Variants in RPS20 observed in about 807,000 individuals in gnomAD.
The protein encoded by RPS20 is small ribosomal subunit protein uS10.
RPS20 carries 3 observed loss-of-function variants against 15.3 expected under a neutral mutation model. The observed-to-expected ratio is 0.20, with a 90% CI of 0.09 to 0.51. The LOEUF (loss-of-function observed/expected upper bound fraction) is 0.51. Among genes scored for constraint, RPS20 ranks in the 20% least tolerant of loss-of-function variants. The probability of loss-of-function intolerance (pLI) is 0.96; values close to 1 mark genes in which losing one functional copy is unlikely to be tolerated. For synonymous variants in RPS20, 62 were observed against 47.8 expected (o/e 1.30, Z -1.23); for missense variants, 67 against 145.9 (o/e 0.46, Z 2.79).
downstream of RPS20, among the ~76,000 whole-genome samples, chr8:56,071,339 TTGTC>T (rs1809750367): frequency 1.3e-5 from 2 of 152,232 alleles, no homozygotes; most frequent in South Asian, 4.1e-4. Flanking sequence ...TCATAGGTAT[TTGTC>T]TGGGGGCCAC....
chr8:56,068,777 A>C (rs1419629673), downstream of RPS20, among the ~76,000 whole-genome samples: 4 of 146,654 alleles, frequency 2.7e-5, no homozygotes, highest in Non-Finnish European at 4.5e-5. Flanking sequence ...CTTAAAATTA[A>C]AAATTTCCAT....
At chr8:56,072,558 CAA>C (rs376974506), downstream of RPS20, among the ~76,000 whole-genome samples, 8 of 138,982 alleles carry the variant, frequency 5.8e-5, no homozygotes, top group African/African-American at 1.6e-4. Flanking sequence ...TCCCCCCCCC[CAA>C]AAAAAAAAAG....
At chr8:56,069,730 G>A (rs1191226557), downstream of RPS20, 1 of 1,551,282 alleles carries the variant, frequency 6.4e-7, no homozygotes, top group African/African-American at 1.4e-5. Context: ...TGGCGGAGGA[G>A]AATGCAGTTA....
intron 3 of RPS20, chr8:56,073,478 T>G: frequency 1.6e-6 from 1 of 635,690 alleles, no homozygotes; most frequent in Non-Finnish European, 2.8e-6. Context: ...TTGCGCCTGT[T>G]AAGCACCAAA....
At chr8:56,073,599 G>A (rs764143501) in intron 3 of RPS20, 96 bp downstream of exon 3, 14 of 953,052 alleles carry the variant, frequency 1.5e-5, no homozygotes, top group Non-Finnish European at 2.4e-5. Flanking sequence ...GACAGCATCA[G>A]TGTTAACAAT....
At chr8:56,073,349 C>T (rs554329892) in intron 3 of RPS20, 77 bp from the exon 4 acceptor site, 2 of 917,386 alleles carry the variant, frequency 2.2e-6, no homozygotes, top group African/African-American at 1.6e-5. Context: ...ATCATTACTT[C>T]TAATCATTTC....
chr8:56,070,310 T>C (rs918653209), downstream of RPS20, among the ~76,000 whole-genome samples: 1 of 152,180 alleles, frequency 6.6e-6, no homozygotes, highest in African/African-American at 2.4e-5. Flanking sequence ...CTTGATCGTC[T>C]CCATAACCAA....
chr8:56,069,872 C>CATG, downstream of RPS20: 1 of 950,710 alleles, frequency 1.1e-6, no homozygotes, highest in Non-Finnish European at 1.7e-6. Context: ...ATTGTCTCTA[C>CATG]TGCACATGTA....
At chr8:56,074,212 C>A (rs751452440) in intron 1 of RPS20, 53 bp from the exon 2 acceptor site, 3 of 1,555,366 alleles carry the variant, frequency 1.9e-6, no homozygotes, top group Non-Finnish European at 2.6e-6. Context: ...TCTGCCACTT[C>A]TGGAGAAAGG....
intron 2 of RPS20, 141 bp downstream of exon 2, chr8:56,073,919 G>A (rs747544423): frequency 2.8e-6 from 3 of 1,082,670 alleles, no homozygotes; most frequent in Non-Finnish European, 4.3e-6. Flanking sequence ...GACAGTAAAA[G>A]CAATTTTAAG....
downstream of RPS20, among the ~76,000 whole-genome samples, chr8:56,071,898 T>C (rs1028556419): frequency 2.6e-5 from 4 of 152,234 alleles, no homozygotes; most frequent in African/African-American, 7.2e-5. Flanking sequence ...AATAAATCTA[T>C]AGAAACTTTC....
downstream of RPS20, among the ~76,000 whole-genome samples, chr8:56,071,467 A>G (rs746421610): frequency 1.3e-5 from 2 of 152,218 alleles, no homozygotes; most frequent in Non-Finnish European, 2.9e-5. Flanking sequence ...TTCCAGACTC[A>G]GTTCCATTCA....
chr8:56,074,157 A>T lies in RPS20; in HGVS notation c.6T>A (p.Ala2=). 6.2e-7 allele frequency: 1 copy of T among 1,610,720 alleles called. No homozygotes were observed. The highest frequency in any genetic ancestry group is 8.5e-7 in the Non-Finnish European group (1 of 1,179,212). The part of the protein sequence containing the change: M[A]FKDTGKTPVE... ...CGGGTGTTTTTCCGGTATCCTTAAA[A>T]GCCTATTATTAGATACATGAAAAAG... Residue 2 remains alanine, a splice_region_variant and synonymous_variant, in exon 2 of 4, where the codon GCT becomes GCA. Transcript: ENST00000009589.
downstream of RPS20, chr8:56,069,606 C>T: frequency 1.1e-6 from 1 of 890,866 alleles, no homozygotes; most frequent in Admixed American, 2.1e-5. Flanking sequence ...GCCATAGTTC[C>T]TCTTACTTTC....
At chr8:56,069,823 G>C, downstream of RPS20, 1 of 1,494,790 alleles carries the variant, frequency 6.7e-7, no homozygotes, top group Non-Finnish European at 9.1e-7. Flanking sequence ...TGCATCTGTA[G>C]ATTCGATCAA....
Position 56,073,126 on chromosome 8 carries a change from T to C in RPS20, c.324A>G (p.Pro108=). Residue 108 remains proline, a synonymous_variant, in exon 4 of 4, where the codon CCA becomes CCG. Coordinates refer to ENST00000009589, the MANE Select transcript of RPS20 (RefSeq NM_001023.4). ...CAATGGTGACTTCCACCTCAACTCCTGGCTCAATACTGATGGAAGTAATCT... is the reference window on the plus strand; with the variant it reads ...CAATGGTGACTTCCACCTCAACTCCCGGCTCAATACTGATGGAAGTAATCT... The part of the protein sequence containing the change: ...VKQITSISIE[P]GVEVEVTIAD... The C allele has an allele frequency of 6.3e-7, 1 of 1,597,602 alleles. No individual in the cohort carries two copies.
downstream of RPS20, chr8:56,069,876 A>C: frequency 1.2e-6 from 1 of 848,032 alleles, no homozygotes. Context: ...TCTCTACTGC[A>C]CATGTATAGA....
At chr8:56,068,828 T>C (rs1809679484), downstream of RPS20, among the ~76,000 whole-genome samples, 1 of 120,396 alleles carries the variant, frequency 8.3e-6, no homozygotes. Flanking sequence ...TTTTTTTTTT[T>C]TTTTTTTTTT....
chr8:56,072,804 T>G, downstream of RPS20: 2 of 1,045,042 alleles, frequency 1.9e-6, no homozygotes, highest in South Asian at 7.5e-5. Context: ...CCAGAAACCT[T>G]AACACCCCAT....
Sources: gnomAD v4.1 joint callset for allele counts (sites outside exome capture counted in the v4.1 genomes callset) on GRCh38, gnomAD v4.1.1 for gene constraint, MANE v1.5 for transcripts, NCBI Gene and HGNC (gene_info 2026-07-23, HGNC 2026-07-21) for gene names.